RBMS3: variants seen among roughly 807,000 people sequenced by gnomAD.
RBMS3 encodes the protein RNA binding motif single stranded interacting protein 3.
Under a neutral mutation model 66.8 loss-of-function variants are expected in RBMS3, and 27 were observed. The ratio of observed to expected loss-of-function variants is 0.40; its 90% confidence interval spans 0.30 to 0.56. The LOEUF (loss-of-function observed/expected upper bound fraction) is 0.56. Among genes scored for constraint, RBMS3 ranks in the 20% least tolerant of loss-of-function variants. The pLI, the probability that RBMS3 is intolerant of heterozygous loss-of-function variation, is 0.40. For missense variants in RBMS3, 513 were observed against 549.5 expected, an observed-to-expected ratio of 0.93 and a Z score of 0.66; for synonymous variants, 188 against 183.0, an observed-to-expected ratio of 1.03 and a Z score of -0.22.
chr3:29,558,808 CTT>C lies in RBMS3; in HGVS notation c.308-28305_308-28304del, dbSNP rs1206807943. 3.9e-5 allele frequency among the ~76,000 whole-genome samples: 6 copies of C among 152,188 alleles called. No individual in the cohort carries two copies. In the East Asian group the frequency reaches 1.2e-3, roughly 29 times the overall value. On this transcript the variant is annotated intron_variant, in intron 3 of 14. Transcript: ENST00000383767. Reference sequence around the variant, plus strand: ...GTAGGTCCAGGACAGGTCCCAGTAACTTGCGTTTCTAAGTTCCCAGGTGATGC... The same window carrying C: ...GTAGGTCCAGGACAGGTCCCAGTAACGCGTTTCTAAGTTCCCAGGTGATGC...
chr3:29,411,300 C>T (rs541493642), intron 1 of RBMS3, among the ~76,000 whole-genome samples: 3 of 152,178 alleles, frequency 2.0e-5, no homozygotes, highest in Admixed American at 6.5e-5. Flanking sequence ...ATCAGAAAAT[C>T]GTTTTTAGAA....
chr3:29,478,305 A>C (rs1039915887), intron 2 of RBMS3, among the ~76,000 whole-genome samples: 16 of 152,186 alleles, frequency 1.1e-4, no homozygotes, highest in Non-Finnish European at 2.1e-4. Context: ...GAGGCTGAGA[A>C]GTTCAAGATG....
chr3:29,473,496 G>A (rs751073192), intron 2 of RBMS3, among the ~76,000 whole-genome samples: 27 of 152,314 alleles, frequency 1.8e-4, no homozygotes, highest in African/African-American at 3.6e-4. Context: ...GTCCCGCGCC[G>A]TGCGCCTGCA....
At chr3:29,437,666 G>A (rs542142330) in intron 2 of RBMS3, among the ~76,000 whole-genome samples, 1 of 152,248 alleles carries the variant, frequency 6.6e-6, no homozygotes, top group Admixed American at 6.5e-5. Context: ...ATAATGTAGT[G>A]GAAATAACTG....
chr3:29,478,776 C>T (rs1417009492), intron 2 of RBMS3, among the ~76,000 whole-genome samples: 3 of 152,098 alleles, frequency 2.0e-5, no homozygotes, highest in Non-Finnish European at 4.4e-5. Flanking sequence ...ATTACGTATT[C>T]GGTTGATGTT....
intron 1 of RBMS3, among the ~76,000 whole-genome samples, chr3:29,348,227 G>T (rs565768636): frequency 2.0e-5 from 3 of 151,958 alleles, no homozygotes; most frequent in Admixed American, 6.6e-5. Context: ...TCTTGTTTTC[G>T]TCTTGTTTCA....
intron 4 of RBMS3, among the ~76,000 whole-genome samples, chr3:29,599,771 A>C (rs2048081918): frequency 6.6e-6 from 1 of 152,164 alleles, no homozygotes. Flanking sequence ...AAAGGATAGA[A>C]TAATGATTGC....
At chr3:29,981,020 G>T (rs766306037) in intron 12 of RBMS3, among the ~76,000 whole-genome samples, 15 of 152,266 alleles carry the variant, frequency 9.9e-5, no homozygotes, top group South Asian at 8.3e-4. Context: ...ATTACTTTGG[G>T]CAATATGGCT....
chr3:29,484,079 A>G lies in RBMS3; in HGVS notation c.249-4362A>G, dbSNP rs79888026. On this transcript the variant is annotated intron_variant, in intron 2 of 14. Transcript: ENST00000383767. ...TTCTAGGCTTCTGTTATCATACACA[A>G]ATGTTAGATGAGAAAGAGCTTGAAG... is the stretch of plus-strand genomic sequence containing the variant. 4.6e-3 allele frequency among the ~76,000 whole-genome samples: 704 copies of G among 152,264 alleles called. 4 individuals carry two copies. Among genetic ancestry groups the G allele is most frequent in the African/African-American group, 0.016 (657 of 41,546 alleles).
At chr3:29,582,058 G>T (rs1014264003) in intron 3 of RBMS3, among the ~76,000 whole-genome samples, 24 of 152,082 alleles carry the variant, frequency 1.6e-4, no homozygotes, top group African/African-American at 5.8e-4. Context: ...CAACTGAATG[G>T]CAAAGGTCTC....
At chr3:29,686,196 T>C (rs903539646) in intron 4 of RBMS3, among the ~76,000 whole-genome samples, 12 of 152,170 alleles carry the variant, frequency 7.9e-5, no homozygotes, top group African/African-American at 2.9e-4. Flanking sequence ...TTGCTTCATC[T>C]TAACCATATC....
At chr3:29,419,580 A>T (rs2040618546) in intron 1 of RBMS3, among the ~76,000 whole-genome samples, 1 of 152,188 alleles carries the variant, frequency 6.6e-6, no homozygotes, top group Non-Finnish European at 1.5e-5. Flanking sequence ...TGACCTATAG[A>T]TAAAAATATT....
chr3:29,861,421 A>G (rs60027671), intron 6 of RBMS3, among the ~76,000 whole-genome samples: 27,163 of 152,156 alleles, frequency 0.18, 2,401 homozygotes, highest in South Asian at 0.22. Flanking sequence ...ATAGCAATAA[A>G]GAAATATTTA....
At chr3:29,854,816 A>G (rs2059030116) in intron 6 of RBMS3, among the ~76,000 whole-genome samples, 1 of 152,150 alleles carries the variant, frequency 6.6e-6, no homozygotes, top group South Asian at 2.1e-4. Flanking sequence ...TAATTCATAT[A>G]AAAAGAAAGC....
chr3:29,735,226 C>T (rs977474062), intron 4 of RBMS3, among the ~76,000 whole-genome samples: 3 of 152,066 alleles, frequency 2.0e-5, no homozygotes, highest in African/African-American at 7.2e-5. Flanking sequence ...TCTTAAACTG[C>T]TCAAAAGCAA....
intron 1 of RBMS3, among the ~76,000 whole-genome samples, chr3:29,303,134 C>T (rs938886716): frequency 2.6e-5 from 4 of 152,000 alleles, no homozygotes; most frequent in African/African-American, 9.7e-5. Flanking sequence ...ATCTACTTTT[C>T]TGAGCACTTT....
chr3:29,492,262 G>A (rs927221314), intron 3 of RBMS3, among the ~76,000 whole-genome samples: 37 of 152,006 alleles, frequency 2.4e-4, no homozygotes, highest in African/African-American at 8.9e-4. Context: ...CTATTTTAAT[G>A]ATATGCCGAT....
intron 14 of RBMS3, among the ~76,000 whole-genome samples, chr3:29,994,664 C>A (rs1421193319): frequency 1.3e-5 from 2 of 151,994 alleles, no homozygotes. Flanking sequence ...CAGGGGCACA[C>A]TGACACCTCA....
At chr3:29,895,453 A>G (rs1271389636) in intron 8 of RBMS3, among the ~76,000 whole-genome samples, 1 of 151,412 alleles carries the variant, frequency 6.6e-6, no homozygotes, top group Non-Finnish European at 1.5e-5. Context: ...ACCCCGCTAT[A>G]GTTTTGCCTT....
Sources: allele counts gnomAD v4.1 joint callset (sites outside exome capture counted in the v4.1 genomes callset), GRCh38; gene constraint gnomAD v4.1.1; transcripts MANE v1.5; gene names NCBI Gene and HGNC (gene_info 2026-07-23, HGNC 2026-07-21).